Variants in UBOX5 observed in about 807,000 individuals in gnomAD.
UBOX5 encodes the protein U-box domain containing 5.
Under a neutral mutation model 39.0 loss-of-function variants are expected in UBOX5, and 28 were observed. The observed-to-expected ratio is 0.72, with a 90% confidence interval of 0.53 to 0.98. UBOX5 has a LOEUF of 0.98. Among genes scored for constraint, UBOX5 ranks in the 50% least tolerant of loss-of-function variants. The pLI is 0.00. For synonymous variants in UBOX5, 283 were observed against 275.5 expected (o/e 1.03, Z -0.27); for missense variants, 585 against 674.4 (o/e 0.87, Z 1.47).
Position 3,149,031 on chromosome 20 carries a change from G to A in UBOX5, c.-42+10735C>T, listed in dbSNP as rs761247290. On this transcript the variant is annotated intron_variant, in intron 1 of 4. Coordinates refer to ENST00000217173, the MANE Select transcript of UBOX5 (RefSeq NM_014948.4). This position sits in a 1 kb window ranked among gnomAD's most constrained non-coding sequence, Gnocchi z 4.1. ...AAGGCAGAAGGACTGCAAAATGCTC[G>A]GTATCTTACAAGTTTTAATGACTTG... The A allele has an allele frequency of 6.8e-6, 11 of 1,613,478 alleles. No homozygotes were observed. Among genetic ancestry groups the A allele is most frequent in the South Asian group, 2.2e-5 (2 of 90,968 alleles).
chr20:3,130,592 A>G (rs1488160035), intron 1 of UBOX5, among the ~76,000 whole-genome samples: 1 of 151,708 alleles, frequency 6.6e-6, no homozygotes, highest in Non-Finnish European at 1.5e-5. Flanking sequence ...TACAATTTTC[A>G]CTTTTTTACT....
At chr20:3,124,064 T>C (rs1352602604) in intron 1 of UBOX5, among the ~76,000 whole-genome samples, 4 of 152,004 alleles carry the variant, frequency 2.6e-5, no homozygotes, top group African/African-American at 9.7e-5. Flanking sequence ...GATCTTGCTA[T>C]GTCTGATATG....
intron 1 of UBOX5, among the ~76,000 whole-genome samples, chr20:3,139,591 C>T (rs889209640): frequency 2.0e-5 from 3 of 151,166 alleles, no homozygotes; most frequent in Non-Finnish European, 4.4e-5. Context: ...GAGGTTTCAC[C>T]ATGTTTGCCA....
At chr20:3,153,676 T>C (rs980171047) in intron 1 of UBOX5, among the ~76,000 whole-genome samples, 9 of 152,202 alleles carry the variant, frequency 5.9e-5, no homozygotes, top group African/African-American at 2.2e-4. Context: ...GCTGGAGGGT[T>C]AGAACTAGGT....
In UBOX5 at chr20:3,110,313, C is replaced by T. The variant is rs767390840; in HGVS notation, c.1419G>A (p.Glu473=). Residue 473 remains glutamate (E), a splice_region_variant and synonymous_variant, in exon 5 of 5, where the codon GAG becomes GAA. Coordinates refer to ENST00000217173, the MANE Select transcript of UBOX5 (RefSeq NM_014948.4). ...NTSWRPGTGS[E]QPGSILGPEC... is the part of the protein sequence containing the mutation. ...CGGGGCCCAGGATGCTCCCAGGCTGCTCTGGTAAATCAGGAAGGAAAACAG... is the reference window on the plus strand; with the variant it reads ...CGGGGCCCAGGATGCTCCCAGGCTGTTCTGGTAAATCAGGAAGGAAAACAG... The T allele has an allele frequency of 6.1e-5, 98 of 1,613,884 alleles. No individual in the cohort carries two copies. Among genetic ancestry groups the T allele is most frequent in the Non-Finnish European group, 8.1e-5 (96 of 1,179,968 alleles).
intron 1 of UBOX5, among the ~76,000 whole-genome samples, chr20:3,133,758 G>C (rs187748265): frequency 0.012 from 1,386 of 119,004 alleles, 48 homozygotes; most frequent in Admixed American, 0.08. Flanking sequence ...ATTTTTTTTG[G>C]GGGGGGGAAA....
chr20:3,145,610 ATT>A (rs1244420479), intron 1 of UBOX5, among the ~76,000 whole-genome samples: 1 of 151,480 alleles, frequency 6.6e-6, no homozygotes, highest in Non-Finnish European at 1.5e-5. Context: ...GGCTAATTTT[ATT>A]TTTTTGCAGA....
chr20:3,123,862 A>G (rs992124331), intron 1 of UBOX5, among the ~76,000 whole-genome samples: 1 of 152,266 alleles, frequency 6.6e-6, no homozygotes, highest in African/African-American at 2.4e-5. Context: ...AATGAAAACA[A>G]TGAGTCAAAA....
chr20:3,139,529 A>G (rs1041956052), intron 1 of UBOX5, among the ~76,000 whole-genome samples: 1 of 151,536 alleles, frequency 6.6e-6, no homozygotes, highest in Non-Finnish European at 1.5e-5. Flanking sequence ...AGCTGGGATT[A>G]CAGGCACCCA....
chr20:3,147,440 A>G, intron 1 of UBOX5: 1 of 1,614,146 alleles, frequency 6.2e-7, no homozygotes, highest in Non-Finnish European at 8.5e-7. Context: ...ATACCACAGC[A>G]ATTCAGACCC....
At position 3,125,416 on chromosome 20, in the gene UBOX5, C is replaced by T. The variant is rs551822313; in HGVS notation, c.-41-2010G>A. On this transcript the variant is annotated intron_variant, in intron 1 of 4. Coordinates refer to ENST00000217173, the MANE Select transcript of UBOX5 (RefSeq NM_014948.4). ...GTGAGGAGCGCCTCTGCCCGGCCGCCCATCATCTGGGAAGTGAGGAGCGCC... is the reference window on the plus strand; with the variant it reads ...GTGAGGAGCGCCTCTGCCCGGCCGCTCATCATCTGGGAAGTGAGGAGCGCC... Among the ~76,000 whole-genome samples the T allele has an allele frequency of 4.3e-3, 558 of 129,166 alleles. 1 individual carries two copies. The highest frequency in any genetic ancestry group is 7.5e-3 in the Middle Eastern group (1 of 134). The allele number at this position is 129,166 out of a possible 152,430, so 84.7% of individuals were successfully genotyped here.
In UBOX5 at chr20:3,146,619, GTAACATACAC is replaced by G. The variant is rs1172017876; in HGVS notation, c.-42+13137_-42+13146del. On this transcript the variant is annotated intron_variant, in intron 1 of 4. Coordinates refer to ENST00000217173, the MANE Select transcript of UBOX5 (RefSeq NM_014948.4). ...CAATCCAACTACATTACAATTCACA[GTAACATACAC>G]TAGCTCTAACCTGCCTTGGATACAA... The G allele has an allele frequency of 2.1e-5, 16 of 776,340 alleles. No individual in the cohort carries two copies. In the East Asian group the frequency reaches 3.5e-4, roughly 17 times the overall value. 48.1% of individuals were successfully genotyped at this position (776,340 alleles called of 1,614,324 possible). A position where few individuals can be genotyped will look rare whatever the true frequency, so the allele number is the denominator to read the frequency against.
chr20:3,116,898 C>T (rs994531258), intron 3 of UBOX5, among the ~76,000 whole-genome samples: 2 of 152,070 alleles, frequency 1.3e-5, no homozygotes, highest in African/African-American at 4.8e-5. Flanking sequence ...GAGTTCAAGA[C>T]CAGCCTGGTC....
intron 1 of UBOX5, among the ~76,000 whole-genome samples, chr20:3,154,613 G>T (rs940363222): frequency 3.3e-5 from 5 of 152,132 alleles, no homozygotes; most frequent in Non-Finnish European, 7.4e-5. Flanking sequence ...AGCCCAAAAA[G>T]TTAAGGCTGC....
At chr20:3,147,016 GCACAGGCCAGCCATCT>G in intron 1 of UBOX5, 1 of 1,614,198 alleles carries the variant, frequency 6.2e-7, no homozygotes, top group African/African-American at 1.3e-5. Flanking sequence ...AGGCTGCGGG[GCACAGGCCAGCCATCT>G]CCATGGCCCC....
At chr20:3,124,361 G>A (rs1275547870) in intron 1 of UBOX5, among the ~76,000 whole-genome samples, 2 of 152,170 alleles carry the variant, frequency 1.3e-5, no homozygotes, top group Non-Finnish European at 1.5e-5. Flanking sequence ...CCTGCCTTGA[G>A]TGATCTGCCC....
intron 2 of UBOX5, 51 bp from the exon 3 acceptor site, chr20:3,122,635 G>C (rs1469076350): frequency 6.6e-7 from 1 of 1,511,718 alleles, no homozygotes; most frequent in African/African-American, 1.4e-5. Flanking sequence ...AAGACAACTT[G>C]TCACTTGTAA....
intron 3 of UBOX5, among the ~76,000 whole-genome samples, chr20:3,120,767 C>T (rs1045490019): frequency 2.0e-5 from 3 of 152,332 alleles, no homozygotes; most frequent in African/African-American, 4.8e-5. Flanking sequence ...TTACTGAGTG[C>T]ACCCTCTTCA....
chr20:3,146,610 C>T, intron 1 of UBOX5: 1 of 723,486 alleles, frequency 1.4e-6, no homozygotes, highest in Non-Finnish European at 2.3e-6. Flanking sequence ...AACTACATTA[C>T]AATTCACAGT....
Sources: allele counts gnomAD v4.1 joint callset (sites outside exome capture counted in the v4.1 genomes callset), GRCh38; gene constraint gnomAD v4.1.1; non-coding constraint Gnocchi (gnomAD v3.1); transcripts MANE v1.5; gene names NCBI Gene and HGNC (gene_info 2026-07-23, HGNC 2026-07-21).